SLC17A1: variants seen among roughly 807,000 people sequenced by gnomAD.
SLC17A1 encodes solute carrier family 17 member 1, also known as sodium-dependent phosphate transport protein 1.
In SLC17A1, 51 loss-of-function variants were observed where a neutral mutation model predicts 53.5. The ratio of observed to expected loss-of-function variants is 0.95; its 90% CI spans 0.76 to 1.20. SLC17A1 has a LOEUF of 1.20. Ranked by LOEUF, SLC17A1 falls within the 50% of genes most tolerant of loss-of-function variation. The pLI is 0.00. For missense variants in SLC17A1, 538 were observed against 568.2 expected, an observed-to-expected ratio of 0.95 and a Z score of 0.54; for synonymous variants, 179 against 198.8, an observed-to-expected ratio of 0.90 and a Z score of 0.84.
At chr6:25,766,310 A>C in the SLC17A1 span, among the ~76,000 whole-genome samples, 1 of 152,100 alleles carries the variant, frequency 6.6e-6, no homozygotes, top group East Asian at 1.9e-4. Context: ...AATATATTCT[A>C]GTAGTTTCAC....
the SLC17A1 span, chr6:25,731,940 G>A: frequency 1.4e-5 from 23 of 1,600,202 alleles, 1 homozygote; most frequent in East Asian, 4.5e-4. Flanking sequence ...AGCCTCACAG[G>A]CAATGCGCTC....
intron 10 of SLC17A1, among the ~76,000 whole-genome samples, chr6:25,806,338 A>G (rs1763953052): frequency 6.6e-6 from 1 of 152,084 alleles, no homozygotes. Context: ...ATCCTTTGTA[A>G]TAAATATCCT....
chr6:25,811,103 A>G (rs10046149), intron 10 of SLC17A1, among the ~76,000 whole-genome samples: 2,099 of 152,290 alleles, frequency 0.014, 26 homozygotes, highest in African/African-American at 0.038. Flanking sequence ...GTGAGATGTT[A>G]GCCAAAAGAT....
At chr6:25,751,538 T>C in the SLC17A1 span, among the ~76,000 whole-genome samples, 2 of 152,200 alleles carry the variant, frequency 1.3e-5, no homozygotes, top group African/African-American at 4.8e-5. Context: ...TAATTTCTCT[T>C]TTACTTCTGC....
chr6:25,788,345 G>A (rs1440166448), intron 12 of SLC17A1, among the ~76,000 whole-genome samples: 3 of 152,140 alleles, frequency 2.0e-5, no homozygotes. Flanking sequence ...AGACTTAAGG[G>A]CATGACAGCT....
the SLC17A1 span, among the ~76,000 whole-genome samples, chr6:25,723,778 G>A: frequency 6.6e-6 from 1 of 152,158 alleles, no homozygotes; most frequent in East Asian, 1.9e-4. Flanking sequence ...GCACTCGTCT[G>A]TGCGACAGAG....
chr6:25,779,493 T>C, downstream of SLC17A1: 1 of 257,916 alleles, frequency 3.9e-6, no homozygotes, highest in Non-Finnish European at 7.3e-6. Flanking sequence ...AGCCAGACCT[T>C]GGGACCGAGA....
the SLC17A1 span, chr6:25,770,841 C>T: frequency 1.9e-6 from 2 of 1,031,226 alleles, no homozygotes; most frequent in South Asian, 1.3e-5. Flanking sequence ...TACCTTCACT[C>T]ACTGTGCAAC....
chr6:25,755,532 A>G, the SLC17A1 span, among the ~76,000 whole-genome samples: 3 of 150,172 alleles, frequency 2.0e-5, no homozygotes, highest in Non-Finnish European at 3.0e-5. Context: ...AACAGGGTGC[A>G]TATGAATCCA....
chr6:25,735,297 C>A, the SLC17A1 span, among the ~76,000 whole-genome samples: 1 of 152,130 alleles, frequency 6.6e-6, no homozygotes, highest in African/African-American at 2.4e-5. Flanking sequence ...GGATTAAAGA[C>A]AAATGAAATG....
intron 8 of SLC17A1, 151 bp downstream of exon 8, chr6:25,812,680 A>G: frequency 1.6e-6 from 1 of 610,868 alleles, no homozygotes; most frequent in Non-Finnish European, 2.8e-6. Flanking sequence ...CAATGTTCAT[A>G]GAAAGAGCAG....
At chr6:25,777,675 T>C in the SLC17A1 span, 1 of 373,062 alleles carries the variant, frequency 2.7e-6, no homozygotes, top group Admixed American at 4.2e-5. Flanking sequence ...GACAAGTTAA[T>C]AGAGGTTACC....
At chr6:25,726,902 G>A in the SLC17A1 span, 1 of 1,608,562 alleles carries the variant, frequency 6.2e-7, no homozygotes, top group South Asian at 1.1e-5. Context: ...AGAAGTGTGT[G>A]GTAGCTATGC....
intron 6 of SLC17A1, among the ~76,000 whole-genome samples, chr6:25,813,554 T>C (rs1764235186): frequency 6.6e-6 from 1 of 152,182 alleles, no homozygotes; most frequent in Non-Finnish European, 1.5e-5. Context: ...GCTTGACAAT[T>C]GCCCAGTTGT....
chr6:25,786,380 T>C (rs1763382904), intron 12 of SLC17A1, among the ~76,000 whole-genome samples: 1 of 152,144 alleles, frequency 6.6e-6, no homozygotes, highest in African/African-American at 2.4e-5. Context: ...GGGCTCTGAT[T>C]TTCCACCCGA....
chr6:25,831,665 C>T (rs561816840), intron 1 of SLC17A1, among the ~76,000 whole-genome samples: 2 of 152,260 alleles, frequency 1.3e-5, no homozygotes, highest in South Asian at 4.1e-4. Context: ...ACCACACACA[C>T]ACATAAATGA....
chr6:25,822,603 A>G (rs1319787793), intron 3 of SLC17A1, among the ~76,000 whole-genome samples: 1 of 152,164 alleles, frequency 6.6e-6, no homozygotes, highest in African/African-American at 2.4e-5. Context: ...GGGCTGATGC[A>G]TGTGCTAGAG....
rs199533219 is a variant in SLC17A1, at chr6:25,811,704, A to G, written c.964T>C (p.Ser322Pro). ...WICGNLAGQL[S>P]DFFLTRNILS... ...ATATTCCTGGTCAGGAAGAAGTCTG[A>G]TAACTGACCTGCTAGGTTACCACAG... is the stretch of plus-strand genomic sequence containing the variant. Residue 322 changes from serine (S) to proline (P), a missense_variant, in exon 9 of 13, where the codon TCA becomes CCA. Physicochemically the swap from Ser to Pro is moderately conservative, Grantham distance 74. Coordinates refer to ENST00000244527, the MANE Select transcript of SLC17A1 (RefSeq NM_005074.5). 160 of 1,613,600 alleles carry G rather than the reference A, an allele frequency of 9.9e-5. No homozygotes were observed. The highest frequency in any genetic ancestry group is 1.1e-4 in the Non-Finnish European group (126 of 1,179,676).
chr6:25,825,631 GT>G (rs890875300), intron 3 of SLC17A1, among the ~76,000 whole-genome samples: 1 of 151,678 alleles, frequency 6.6e-6, no homozygotes, highest in African/African-American at 2.4e-5. Context: ...CTTTGTTTTT[GT>G]TTTTGCTATT....
Sources: allele counts gnomAD v4.1 joint callset (sites outside exome capture counted in the v4.1 genomes callset), GRCh38; gene constraint gnomAD v4.1.1; transcripts MANE v1.5; gene names NCBI Gene and HGNC (gene_info 2026-07-23, HGNC 2026-07-21).